RSF1: variants seen among roughly 807,000 people sequenced by gnomAD.
RSF1 encodes remodeling and spacing factor 1.
In RSF1, 13 loss-of-function variants were observed where a neutral mutation model predicts 145.2. The observed-to-expected ratio is 0.09, with a 90% confidence interval of 0.06 to 0.14. The LOEUF (loss-of-function observed/expected upper bound fraction) is 0.14, where lower values mean the gene tolerates loss of function less well. Ranked by LOEUF, RSF1 falls within the 10% of genes least tolerant of loss-of-function variation. The pLI is 1.00. For missense variants in RSF1, 1,517 were observed against 1,718.2 expected (o/e 0.88, Z 2.07); for synonymous variants, 577 against 592.6 (o/e 0.97, Z 0.38).
chr11:77,756,733 G>A (rs1341769085), intron 2 of RSF1, among the ~76,000 whole-genome samples: 2 of 152,244 alleles, frequency 1.3e-5, no homozygotes, highest in African/African-American at 4.8e-5. Flanking sequence ...GTACGGCAAA[G>A]TGGGTATGTG....
chr11:77,702,571 T>C (rs1045205835), intron 5 of RSF1, 76 bp from the exon 6 acceptor site: 191 of 890,842 alleles, frequency 2.1e-4, no homozygotes, highest in Admixed American at 1.5e-4. Flanking sequence ...GTATAATGTA[T>C]ATTTCCATTT....
Position 77,666,927 on chromosome 11 carries a change from T to A in RSF1, c.4316A>T (p.Glu1439Val). 1 of 1,548,426 alleles carries A rather than the reference T, an allele frequency of 6.5e-7. No homozygotes were observed. The highest frequency in any genetic ancestry group is 8.7e-7 in the Non-Finnish European group (1 of 1,144,512). The change falls in exon 16 of 16, where the codon GAA (glutamate) becomes GTA (valine). Residue 1439 changes from glutamate to valine, a missense_variant. By Grantham distance (121) the Glu-to-Val change is moderately radical. Around this residue, in one of 12 missense-constraint regions of RSF1, gnomAD observed 10 missense variants for 29.5 expected, o/e 0.34. Transcript: ENST00000308488. ...AATGGAAAAAAAGTCTTATAACTGTTCACTGTTACAGACATAATCAACAAG... is the reference window on the plus strand; with the variant it reads ...AATGGAAAAAAAGTCTTATAACTGTACACTGTTACAGACATAATCAACAAG... The part of the protein sequence containing the change: ...TDLVDYVCNS[E>V]QL
chr11:77,758,699 T>C (rs1400247014), intron 2 of RSF1, among the ~76,000 whole-genome samples: 1 of 152,246 alleles, frequency 6.6e-6, no homozygotes, highest in Admixed American at 6.5e-5. Flanking sequence ...CAAATGATGA[T>C]GAACTTCTTC....
intron 5 of RSF1, among the ~76,000 whole-genome samples, chr11:77,716,736 T>C (rs982072905): frequency 2.0e-5 from 3 of 152,204 alleles, no homozygotes; most frequent in African/African-American, 4.8e-5. Context: ...TGAAAATTGC[T>C]AGGACAGGAG....
chr11:77,764,353 G>C, intron 2 of RSF1: 1 of 389,438 alleles, frequency 2.6e-6, no homozygotes, highest in South Asian at 3.9e-5. Context: ...GACATGAAAA[G>C]TCCTGAGCAC....
chr11:77,672,230 T>C lies in RSF1; in HGVS notation c.3563A>G (p.Glu1188Gly), dbSNP rs909306457. The change falls in exon 15 of 16, where the codon GAA becomes GGA. Residue 1188 changes from glutamate to glycine, a missense_variant and splice_region_variant. This residue lies in a region of RSF1 where 231 missense variants were observed against 276.6 expected (regional missense o/e 0.84). Coordinates refer to ENST00000308488, the MANE Select transcript of RSF1 (RefSeq NM_016578.4). ...EESEENSRDS[E>G]SDFSDDFSDD... ...ACTAAAATCATCACTGAAGTCACTTTCTATTTTAAAAAAAGGAAGAACAAA... is the reference window on the plus strand; with the variant it reads ...ACTAAAATCATCACTGAAGTCACTTCCTATTTTAAAAAAAGGAAGAACAAA... 1.3e-6 allele frequency: 2 copies of C among 1,581,280 alleles called. No individual in the cohort carries two copies. The highest frequency in any genetic ancestry group is 8.6e-7 in the Non-Finnish European group (1 of 1,169,312).
intron 13 of RSF1, 87 bp from the exon 14 acceptor site, chr11:77,675,343 C>A: frequency 1.0e-6 from 1 of 974,694 alleles, no homozygotes; most frequent in East Asian, 2.5e-5. Flanking sequence ...TCTGGTGAGC[C>A]CAGTGAATCA....
chr11:77,841,498 T>C, the RSF1 span, among the ~76,000 whole-genome samples: 1 of 152,144 alleles, frequency 6.6e-6, no homozygotes, highest in South Asian at 2.1e-4. Context: ...ACTTTCTCTC[T>C]CTACTGATGG....
At chr11:77,722,075 G>A (rs1256172189) in intron 5 of RSF1, among the ~76,000 whole-genome samples, 1 of 152,144 alleles carries the variant, frequency 6.6e-6, no homozygotes, top group African/African-American at 2.4e-5. Flanking sequence ...AGCCACTCAG[G>A]AGGCTGAGGC....
intron 2 of RSF1, among the ~76,000 whole-genome samples, chr11:77,757,819 C>A (rs914500228): frequency 6.6e-6 from 1 of 152,132 alleles, no homozygotes; most frequent in African/African-American, 2.4e-5. Flanking sequence ...TTGAGCTACG[C>A]TGTGGCAGAG....
Position 77,700,990 on chromosome 11 carries a change from C to A in RSF1, c.2239G>T (p.Asp747Tyr). 1 of 1,613,500 alleles carries A rather than the reference C, an allele frequency of 6.2e-7. No homozygotes were observed. Among genetic ancestry groups the A allele is most frequent in the Non-Finnish European group, 8.5e-7 (1 of 1,180,010 alleles). ...GGTTCTAGAACTTTGGGGGGAGAAT[C>A]GGGCTTCTTTTTCCGACTTGATATC... ...IRISSRKKKP[D>Y]SPPKVLEPEN... Residue 747 changes from aspartate to tyrosine, a missense_variant, in exon 6 of 16, where the codon GAT (aspartate) becomes TAT (tyrosine). Around this residue, in one of 12 missense-constraint regions of RSF1, gnomAD observed 579 missense variants for 553.5 expected, o/e 1.05. Coordinates refer to ENST00000308488, the MANE Select transcript of RSF1 (RefSeq NM_016578.4).
At chr11:77,779,999 T>C (rs1948387084) in intron 1 of RSF1, among the ~76,000 whole-genome samples, 1 of 152,236 alleles carries the variant, frequency 6.6e-6, no homozygotes, top group Non-Finnish European at 1.5e-5. Context: ...TTGGAAATCA[T>C]CTTTTTATCC....
At chr11:77,780,113 C>A (rs1948387835) in intron 1 of RSF1, among the ~76,000 whole-genome samples, 1 of 152,128 alleles carries the variant, frequency 6.6e-6, no homozygotes, top group South Asian at 2.1e-4. Context: ...TAGCTCTATC[C>A]CACATTAAAC....
At chr11:77,789,558 C>A (rs773854342) in intron 1 of RSF1, among the ~76,000 whole-genome samples, 3 of 152,192 alleles carry the variant, frequency 2.0e-5, no homozygotes, top group Non-Finnish European at 4.4e-5. Flanking sequence ...CACCCCCAGA[C>A]TGATCAGGAG....
At chr11:77,826,033 A>C in the RSF1 span, among the ~76,000 whole-genome samples, 1 of 152,096 alleles carries the variant, frequency 6.6e-6, no homozygotes, top group Non-Finnish European at 1.5e-5. Flanking sequence ...ATTCTCTGAC[A>C]AGCCTGGCTA....
intron 1 of RSF1, 140 bp from the exon 2 acceptor site, chr11:77,764,829 T>C: frequency 1.8e-6 from 1 of 556,386 alleles, no homozygotes; most frequent in Non-Finnish European, 3.1e-6. Flanking sequence ...CTTTTAGACC[T>C]CTGAATCAAA....
At chr11:77,675,854 A>T (rs1959687542) in intron 13 of RSF1, among the ~76,000 whole-genome samples, 1 of 152,236 alleles carries the variant, frequency 6.6e-6, no homozygotes, top group Non-Finnish European at 1.5e-5. Context: ...TGAAGCATAA[A>T]TCTCATATTA....
the RSF1 span, among the ~76,000 whole-genome samples, chr11:77,852,962 T>C: frequency 6.6e-6 from 1 of 152,192 alleles, no homozygotes; most frequent in East Asian, 1.9e-4. Context: ...ACTCGATTGC[T>C]TTCAATATTT....
chr11:77,810,825 A>C (rs1329549118), intron 1 of RSF1, among the ~76,000 whole-genome samples: 1 of 152,234 alleles, frequency 6.6e-6, no homozygotes, highest in Non-Finnish European at 1.5e-5. Context: ...AGAGATCATC[A>C]TCTGATAAGA....
Sources: gnomAD v4.1 joint callset for allele counts (sites outside exome capture counted in the v4.1 genomes callset) on GRCh38, gnomAD v4.1.1 for gene constraint, gnomAD v4.1.1 regional missense constraint, MANE v1.5 for transcripts, NCBI Gene and HGNC (gene_info 2026-07-23, HGNC 2026-07-21) for gene names.